SORBS2: variants seen among roughly 807,000 people sequenced by gnomAD.
SORBS2 encodes the protein sorbin and SH3 domain-containing protein 2.
Under a neutral mutation model 97.7 loss-of-function variants are expected in SORBS2, and 46 were observed. The ratio of observed to expected loss-of-function variants is 0.47; its 90% confidence interval spans 0.37 to 0.60. The LOEUF (loss-of-function observed/expected upper bound fraction) is 0.60, where lower values mean the gene tolerates loss of function less well. SORBS2 is among the 20% of genes least tolerant of loss of function. SORBS2 has a pLI of 0.00. For synonymous variants in SORBS2, 476 were observed against 473.4 expected (o/e 1.01, Z -0.07); for missense variants, 1,316 against 1,282.3 (o/e 1.03, Z -0.40).
chr4:185,678,817 C>T (rs1183991852), exon 3 of SORBS2: 33 of 1,458,436 alleles, frequency 2.3e-5, no homozygotes, highest in Non-Finnish European at 3.0e-5. Flanking sequence ...GACTGAGAAT[C>T]ACGCCCTGAA....
chr4:185,587,613 G>A, exon 15 of SORBS2: 1 of 1,612,282 alleles, frequency 6.2e-7, no homozygotes, highest in Non-Finnish European at 8.5e-7. Flanking sequence ...CTCTACAGAA[G>A]GAGGGAGCGC....
intron 4 of SORBS2, among the ~76,000 whole-genome samples, chr4:185,663,618 G>A (rs1219426296): frequency 6.6e-6 from 1 of 152,180 alleles, no homozygotes; most frequent in African/African-American, 2.4e-5. Flanking sequence ...GATGATTTGA[G>A]AACACTTTCA....
chr4:185,691,805 TG>T (rs1421121741), intron 2 of SORBS2, among the ~76,000 whole-genome samples: 1 of 151,950 alleles, frequency 6.6e-6, no homozygotes, highest in Non-Finnish European at 1.5e-5. Context: ...AGTGCAGTGG[TG>T]CGATCTCGGC....
chr4:185,947,800 G>A (rs2099275265), intron 1 of SORBS2, among the ~76,000 whole-genome samples: 1 of 152,052 alleles, frequency 6.6e-6, no homozygotes, highest in Non-Finnish European at 1.5e-5. Context: ...TAGCAGAGAC[G>A]AGGTTTCACC....
intron 12 of SORBS2, among the ~76,000 whole-genome samples, chr4:185,601,742 T>C (rs1478210861): frequency 6.6e-6 from 1 of 152,124 alleles, no homozygotes; most frequent in Non-Finnish European, 1.5e-5. Flanking sequence ...TCATAACAGC[T>C]GGAAAGAGCA....
rs767027974 is a variant in SORBS2 at position 185,646,621 on chromosome 4, T to G, written c.396+47A>C. The G allele has an allele frequency of 2.4e-6, 3 of 1,224,580 alleles. No homozygotes were observed. The African/African-American group carries it at 4.4e-5, about 18-fold the overall frequency. The allele number at this position is 1,224,580 out of a possible 1,614,324, so 75.9% of individuals were successfully genotyped here. ...GAAATTCAGGTTTATTGGGGAGCCC[T>G]GGGAGCCCAGCGAGCTGGCATATTC... On this transcript the variant is annotated intron_variant, in intron 4 of 14. Coordinates refer to ENST00000418609, the Ensembl canonical transcript of SORBS2.
At chr4:185,764,677 C>T (rs1211163970) in intron 2 of SORBS2, among the ~76,000 whole-genome samples, 1 of 152,056 alleles carries the variant, frequency 6.6e-6, no homozygotes, top group African/African-American at 2.4e-5. Context: ...CAATTTACTT[C>T]CTATGTAGAA....
In SORBS2 at chr4:185,607,205, G is replaced by A. The variant is rs185284098; in HGVS notation, c.2796+4575C>T. On this transcript the variant is annotated intron_variant, in intron 12 of 14. Transcript: ENST00000418609. The surrounding 1 kb of genome is among the most constrained non-coding windows in gnomAD (Gnocchi z 5.2). ...TCACCCAAGAAGTTGTCCAGGAAACGAGGTGGTGTTGGGGCCAAAGGGTTT... is the reference window on the plus strand; with the variant it reads ...TCACCCAAGAAGTTGTCCAGGAAACAAGGTGGTGTTGGGGCCAAAGGGTTT... 5 of 1,143,920 alleles carry A rather than the reference G, an allele frequency of 4.4e-6. No individual in the cohort carries two copies. Among genetic ancestry groups the A allele is most frequent in the Admixed American group, 4.4e-5 (1 of 22,516 alleles). The allele number at this position is 1,143,920 out of a possible 1,614,324, so 70.9% of individuals were successfully genotyped here.
upstream of SORBS2, among the ~76,000 whole-genome samples, chr4:185,659,611 C>CG (rs565943083): frequency 6.6e-6 from 1 of 151,670 alleles, no homozygotes; most frequent in Non-Finnish European, 1.5e-5. Context: ...TTAGTAGAGA[C>CG]GGGGTTTCAC....
At chr4:185,881,905 T>C (rs552909700) in intron 1 of SORBS2, among the ~76,000 whole-genome samples, 180 of 152,316 alleles carry the variant, frequency 1.2e-3, no homozygotes, top group Admixed American at 4.4e-3. Context: ...ATATCTAAAT[T>C]TGAAACAGAG....
chr4:185,602,190 G>A (rs11935383), intron 12 of SORBS2, among the ~76,000 whole-genome samples: 15,682 of 151,870 alleles, frequency 0.1, 935 homozygotes, highest in East Asian at 0.21. Context: ...TTGTATTTTT[G>A]GTAGAGACGG....
In SORBS2 at chr4:185,857,522, A is replaced by C. The variant is rs534336757; in HGVS notation, c.-337-82156T>G. Among the ~76,000 whole-genome samples the C allele has an allele frequency of 3.2e-4, 48 of 152,336 alleles. No individual in the cohort carries two copies. In the South Asian group the frequency reaches 9.7e-3, roughly 31 times the overall value. ...ACAATATGAAATCAGTGCACCCTGA[A>C]AAAGAACAGAATAACAGTGATTTTC... is the stretch of plus-strand genomic sequence containing the variant. On this transcript the variant is annotated intron_variant, in intron 1 of 20. Transcript: ENST00000284776.
At chr4:185,620,490 A>C (rs569781898) in intron 7 of SORBS2, among the ~76,000 whole-genome samples, 195 of 152,296 alleles carry the variant, frequency 1.3e-3, no homozygotes, top group African/African-American at 4.5e-3. Flanking sequence ...TTCTGTTTCT[A>C]TGCCTTTGCT....
intron 2 of SORBS2, among the ~76,000 whole-genome samples, chr4:185,759,812 T>C (rs1450364062): frequency 1.3e-5 from 2 of 152,234 alleles, no homozygotes; most frequent in Non-Finnish European, 2.9e-5. Flanking sequence ...TTCTGTTAGT[T>C]GCTCTCATGG....
chr4:185,751,659 A>T (rs997691831), intron 2 of SORBS2, among the ~76,000 whole-genome samples: 1 of 152,144 alleles, frequency 6.6e-6, no homozygotes, highest in Non-Finnish European at 1.5e-5. Context: ...GTGTGTGTGC[A>T]CACGTACACA....
At chr4:185,677,371 C>T (rs1042278720) in intron 4 of SORBS2, 12 of 1,552,204 alleles carry the variant, frequency 7.7e-6, no homozygotes, top group South Asian at 1.2e-5. Context: ...GCGAATGGTG[C>T]AGGATCCGTG....
chr4:185,714,491 C>A (rs1015729961), intron 2 of SORBS2, among the ~76,000 whole-genome samples: 3 of 151,872 alleles, frequency 2.0e-5, no homozygotes, highest in East Asian at 1.9e-4. Flanking sequence ...AAACCTATAA[C>A]CTAAAATTTG....
chr4:185,644,524 C>T (rs1341561854), intron 4 of SORBS2, among the ~76,000 whole-genome samples: 5 of 152,216 alleles, frequency 3.3e-5, no homozygotes, highest in South Asian at 2.1e-4. Flanking sequence ...TGTACAGCAG[C>T]GACCAAGTGC....
chr4:185,866,426 G>A (rs934712062), intron 1 of SORBS2, among the ~76,000 whole-genome samples: 11 of 152,080 alleles, frequency 7.2e-5, no homozygotes, highest in African/African-American at 2.4e-4. Context: ...CCCTCCTATG[G>A]AAAACAAGTA....
Sources: gnomAD v4.1 joint callset for allele counts (sites outside exome capture counted in the v4.1 genomes callset) on GRCh38, gnomAD v4.1.1 for gene constraint, Gnocchi (gnomAD v3.1) non-coding constraint, MANE v1.5 for transcripts, NCBI Gene and HGNC (gene_info 2026-07-23, HGNC 2026-07-21) for gene names.